ACTRT2: variants seen among roughly 807,000 people sequenced by gnomAD.
ACTRT2 encodes the protein actin related protein T2.
ACTRT2 carries 1 observed loss-of-function variant against 1.2 expected under a neutral mutation model. The ratio of observed to expected loss-of-function variants is 0.80; its 90% CI spans 0.29 to 3.81. The LOEUF is 3.81. ACTRT2 is among the 30% of genes most tolerant of loss of function. The pLI is 0.18. For missense variants in ACTRT2, 488 were observed against 497.9 expected (o/e 0.98, Z 0.19); for synonymous variants, 262 against 228.9 (o/e 1.14, Z -1.30).
rs80251227 is a variant in ACTRT2, at chr1:3,022,826, G to A, written c.*6G>A. The A allele has an allele frequency of 1.2e-4, 186 of 1,599,056 alleles. 2 individuals carry two copies. The East Asian group carries it at 3.8e-3, about 33-fold the overall frequency. On this transcript the variant is annotated 3_prime_UTR_variant, in exon 1 of 1. Coordinates refer to ENST00000378404, the MANE Select transcript of ACTRT2 (RefSeq NM_080431.5). The surrounding 1 kb of genome is among the most constrained non-coding windows in gnomAD (Gnocchi z 7.7). ...TGCAGAGAAGATGCTTCTGAAGGCC[G>A]CTTCTCGTTGGGTACCGTGGGGGGT...
rs1641094208 is a variant in ACTRT2 at position 3,022,624 on chromosome 1, A to G, written c.938A>G (p.Asp313Gly). 5 of 1,612,966 alleles carry G rather than the reference A, an allele frequency of 3.1e-6. No homozygotes were observed. Among genetic ancestry groups the G allele is most frequent in the Non-Finnish European group, 4.2e-6 (5 of 1,180,018 alleles). Residue 313 changes from aspartate to glycine, a missense_variant, in exon 1 of 1, where the codon GAC (aspartate) becomes GGC (glycine). By Grantham distance (94) the Asp-to-Gly change is moderately conservative. Coordinates refer to ENST00000378404, the MANE Select transcript of ACTRT2 (RefSeq NM_080431.5). This position sits in a 1 kb window ranked among gnomAD's most constrained non-coding sequence, Gnocchi z 7.7. ...GGTTLFHGLD[D>G]RLLKELEQLA... ...ACTACCCTGTTCCACGGGCTGGATG[A>G]CCGGCTTCTCAAGGAGCTGGAGCAG...
At position 3,022,690 on chromosome 1, in the gene ACTRT2, C is replaced by T. The variant is rs762750380; in HGVS notation, c.1004C>T (p.Pro335Leu). 1.9e-6 allele frequency: 3 copies of T among 1,613,322 alleles called. No homozygotes were observed. The highest frequency in any genetic ancestry group is 2.5e-6 in the Non-Finnish European group (3 of 1,180,036). ...KDTPIKITAPPDRWFSTWIGA... is the reference protein window; with the variant it reads ...KDTPIKITAPLDRWFSTWIGA... ...ACCCCCATCAAGATCACGGCTCCCC[C>T]CGACCGGTGGTTCTCCACCTGGATT... The change falls in exon 1 of 1, where the codon CCC (proline) becomes CTC (leucine). Residue 335 changes from proline (P) to leucine (L), a missense_variant. Coordinates refer to ENST00000378404, the MANE Select transcript of ACTRT2 (RefSeq NM_080431.5). The surrounding 1 kb of genome is among the most constrained non-coding windows in gnomAD (Gnocchi z 7.7).
In ACTRT2 at chr1:3,021,770, G is replaced by A. The variant is rs760235206; in HGVS notation, c.84G>A (p.Glu28=). 5.0e-6 allele frequency: 8 copies of A among 1,613,666 alleles called. No homozygotes were observed. The highest frequency in any genetic ancestry group is 1.7e-5 in the Admixed American group (1 of 59,994). Residue 28 remains glutamate (E), a synonymous_variant, in exon 1 of 1, where the codon GAG becomes GAA. Transcript: ENST00000378404. ...SGFCKAGLSG[E]FGPRHMVSSI... is the part of the protein sequence containing the mutation. ...TCTGCAAAGCGGGCCTGTCTGGGGA[G>A]TTTGGACCCCGGCACATGGTCAGCT...
chr1:3,021,893 G>A lies in ACTRT2; in HGVS notation c.207G>A (p.Leu69=), dbSNP rs1641079128. ...GEEALYKQEA[L]QLHSPFERGL... is the part of the protein sequence containing the mutation. The stretch of plus-strand genomic sequence containing the variant: ...AGGCCCTGTACAAGCAGGAGGCCCT[G>A]CAGCTGCACTCCCCTTTCGAGCGTG... Residue 69 remains leucine, a synonymous_variant, in exon 1 of 1, where the codon CTG becomes CTA. Coordinates refer to ENST00000378404, the MANE Select transcript of ACTRT2 (RefSeq NM_080431.5). 3.7e-6 allele frequency: 6 copies of A among 1,613,526 alleles called. No individual in the cohort carries two copies. Among genetic ancestry groups the A allele is most frequent in the Non-Finnish European group, 4.2e-6 (5 of 1,180,034 alleles).
Position 3,021,585 on chromosome 1 carries a change from C to G in ACTRT2, c.-102C>G. The G allele has an allele frequency of 4.7e-6, 7 of 1,477,836 alleles. No individual in the cohort carries two copies. The East Asian group carries it at 6.8e-5, about 14-fold the overall frequency. 91.5% of individuals were successfully genotyped at this position (1,477,836 alleles called of 1,614,324 possible). A position where few individuals can be genotyped will look rare whatever the true frequency, so the allele number is the denominator to read the frequency against. On this transcript the variant is annotated 5_prime_UTR_variant, in exon 1 of 1. Coordinates refer to ENST00000378404, the MANE Select transcript of ACTRT2 (RefSeq NM_080431.5). ...GTGCTAGCCCTGCCTTGAGACACCCCGAGAGCTGTGGGAAGAGCTGTGGGA... is the reference window on the plus strand; with the variant it reads ...GTGCTAGCCCTGCCTTGAGACACCCGGAGAGCTGTGGGAAGAGCTGTGGGA...
rs559954352 is a variant in ACTRT2 at position 3,021,983 on chromosome 1, C to A, written c.297C>A (p.Gly99=). 7.4e-6 allele frequency: 12 copies of A among 1,613,470 alleles called. No individual in the cohort carries two copies. In the Admixed American group the frequency reaches 1.7e-4, roughly 22 times the overall value. Residue 99 remains glycine (G), a synonymous_variant, in exon 1 of 1, where the codon GGC becomes GGA. Coordinates refer to ENST00000378404, the MANE Select transcript of ACTRT2 (RefSeq NM_080431.5). ...AGCACCTCTTTGAGTGGGAGCTAGG[C>A]GTGAAACCCAGCGACCAGCCCCTGC... ...LWKHLFEWEL[G]VKPSDQPLLA...
In ACTRT2 at chr1:3,022,409, G is replaced by A; in HGVS notation, c.723G>A (p.Glu241=). The change falls in exon 1 of 1, where the codon GAG becomes GAA. Residue 241 remains glutamate, a synonymous_variant. Coordinates refer to ENST00000378404, the MANE Select transcript of ACTRT2 (RefSeq NM_080431.5). This position sits in a 1 kb window ranked among gnomAD's most constrained non-coding sequence, Gnocchi z 7.7. ...LSRRPEEVLR[E]YKLPDGNIIS... Reference sequence around the variant, plus strand: ...GGAGGCCGGAGGAGGTCCTGAGGGAGTACAAGCTGCCCGACGGGAACATCA... The same window carrying A: ...GGAGGCCGGAGGAGGTCCTGAGGGAATACAAGCTGCCCGACGGGAACATCA... 1 of 1,612,928 alleles carries A rather than the reference G, an allele frequency of 6.2e-7. No individual in the cohort carries two copies. Among genetic ancestry groups the A allele is most frequent in the Non-Finnish European group, 8.5e-7 (1 of 1,180,018 alleles).
chr1:3,022,352 C>T lies in ACTRT2; in HGVS notation c.666C>T (p.Tyr222=), dbSNP rs771204710. ...LVDDIKKKLC[Y]VALEPEKELS... ...ACGACATCAAAAAGAAGCTGTGCTACGTGGCCTTGGAGCCCGAGAAGGAGC... is the reference window on the plus strand; with the variant it reads ...ACGACATCAAAAAGAAGCTGTGCTATGTGGCCTTGGAGCCCGAGAAGGAGC... The change falls in exon 1 of 1, where the codon TAC becomes TAT. Residue 222 remains tyrosine (Y), a synonymous_variant. Transcript: ENST00000378404. This position sits in a 1 kb window ranked among gnomAD's most constrained non-coding sequence, Gnocchi z 7.7. 1.1e-5 allele frequency: 17 copies of T among 1,612,938 alleles called. No individual in the cohort carries two copies. In the South Asian group the frequency reaches 1.1e-4, roughly 10 times the overall value.
In ACTRT2 at chr1:3,021,972, T is replaced by G; in HGVS notation, c.286T>G (p.Trp96Gly). Residue 96 changes from tryptophan (W) to glycine (G), a missense_variant, in exon 1 of 1, where the codon TGG becomes GGG. Trp to Gly is a radical substitution (Grantham distance 184). Transcript: ENST00000378404. ...GAGACTCTGGAAGCACCTCTTTGAG[T>G]GGGAGCTAGGCGTGAAACCCAGCGA... ...VERLWKHLFEWELGVKPSDQP... is the reference protein window; with the variant it reads ...VERLWKHLFEGELGVKPSDQP... 1 of 1,613,420 alleles carries G rather than the reference T, an allele frequency of 6.2e-7. No homozygotes were observed. The highest frequency in any genetic ancestry group is 8.5e-7 in the Non-Finnish European group (1 of 1,179,996).
Position 3,022,690 on chromosome 1 carries a change from C to A in ACTRT2, c.1004C>A (p.Pro335His), listed in dbSNP as rs762750380. 4 of 1,613,440 alleles carry A rather than the reference C, an allele frequency of 2.5e-6. No homozygotes were observed. The highest frequency in any genetic ancestry group is 1.6e-4 in the Middle Eastern group (1 of 6,062). ...ACCCCCATCAAGATCACGGCTCCCC[C>A]CGACCGGTGGTTCTCCACCTGGATT... ...KDTPIKITAP[P>H]DRWFSTWIGA... The change falls in exon 1 of 1, where the codon CCC becomes CAC. Residue 335 changes from proline (P) to histidine (H), a missense_variant. Transcript: ENST00000378404. This position sits in a 1 kb window ranked among gnomAD's most constrained non-coding sequence, Gnocchi z 7.7.
At position 3,021,926 on chromosome 1, in the gene ACTRT2, C is replaced by T; in HGVS notation, c.240C>T (p.Ile80=). 1.2e-6 allele frequency: 2 copies of T among 1,613,552 alleles called. No homozygotes were observed. Among genetic ancestry groups the T allele is most frequent in the Non-Finnish European group, 8.5e-7 (1 of 1,180,028 alleles). ...QLHSPFERGL[I]TGWDDVERLW... is the part of the protein sequence containing the mutation. ...ACTCCCCTTTCGAGCGTGGCCTGAT[C>T]ACAGGGTGGGATGACGTGGAGAGAC... The change falls in exon 1 of 1, where the codon ATC becomes ATT. Residue 80 remains isoleucine, a synonymous_variant. Transcript: ENST00000378404.
chr1:3,022,668 C>A lies in ACTRT2; in HGVS notation c.982C>A (p.Pro328Thr), dbSNP rs769352524. 3 of 1,613,088 alleles carry A rather than the reference C, an allele frequency of 1.9e-6. No homozygotes were observed. Among genetic ancestry groups the A allele is most frequent in the Non-Finnish European group, 1.7e-6 (2 of 1,179,984 alleles). Residue 328 changes from proline to threonine, a missense_variant, in exon 1 of 1, where the codon CCC becomes ACC. Coordinates refer to ENST00000378404, the MANE Select transcript of ACTRT2 (RefSeq NM_080431.5). The surrounding 1 kb of genome is among the most constrained non-coding windows in gnomAD (Gnocchi z 7.7). ...ELEQLASKDT[P>T]IKITAPPDRW... ...GGAGCAGCTGGCCTCCAAGGACACC[C>A]CCATCAAGATCACGGCTCCCCCCGA...
Position 3,021,795 on chromosome 1 carries a change from T to A in ACTRT2, c.109T>A (p.Ser37Thr). 1 of 1,613,600 alleles carries A rather than the reference T, an allele frequency of 6.2e-7. No individual in the cohort carries two copies. The highest frequency in any genetic ancestry group is 8.5e-7 in the Non-Finnish European group (1 of 1,180,006). ...GTTTGGACCCCGGCACATGGTCAGC[T>A]CCATCGTGGGGCACCTGAAATTCCA... ...GEFGPRHMVS[S>T]IVGHLKFQAP... is the part of the protein sequence containing the mutation. Residue 37 changes from serine (S) to threonine (T), a missense_variant, in exon 1 of 1, where the codon TCC becomes ACC. Coordinates refer to ENST00000378404, the MANE Select transcript of ACTRT2 (RefSeq NM_080431.5).
chr1:3,021,682 C>T lies in ACTRT2; in HGVS notation c.-5C>T, dbSNP rs113796232. The T allele has an allele frequency of 2.3e-5, 37 of 1,604,784 alleles. No homozygotes were observed. Among genetic ancestry groups the T allele is most frequent in the African/African-American group, 6.7e-5 (5 of 74,642 alleles). ...TGATGAGGCTGAGAAGGGAAGGCTG[C>T]GGGCATGTTTAATCCGCACGCTTTA... On this transcript the variant is annotated 5_prime_UTR_variant, in exon 1 of 1. Transcript: ENST00000378404.
Position 3,022,671 on chromosome 1 carries a change from A to T in ACTRT2, c.985A>T (p.Ile329Phe). Residue 329 changes from isoleucine to phenylalanine, a missense_variant, in exon 1 of 1, where the codon ATC (isoleucine) becomes TTC (phenylalanine). Transcript: ENST00000378404. The surrounding 1 kb of genome is among the most constrained non-coding windows in gnomAD (Gnocchi z 7.7). ...GCAGCTGGCCTCCAAGGACACCCCC[A>T]TCAAGATCACGGCTCCCCCCGACCG... ...LEQLASKDTP[I>F]KITAPPDRWF... The T allele has an allele frequency of 6.2e-7, 1 of 1,612,918 alleles. No homozygotes were observed. Among genetic ancestry groups the T allele is most frequent in the Non-Finnish European group, 8.5e-7 (1 of 1,179,896 alleles).
At position 3,022,641 on chromosome 1, in the gene ACTRT2, C is replaced by T; in HGVS notation, c.955C>T (p.Leu319=). ...GCTGGATGACCGGCTTCTCAAGGAG[C>T]TGGAGCAGCTGGCCTCCAAGGACAC... is the stretch of plus-strand genomic sequence containing the variant. The part of the protein sequence containing the change: ...HGLDDRLLKE[L]EQLASKDTPI... The change falls in exon 1 of 1, where the codon CTG becomes TTG. Residue 319 remains leucine (L), a synonymous_variant. Transcript: ENST00000378404. The surrounding 1 kb of genome is among the most constrained non-coding windows in gnomAD (Gnocchi z 7.7). The T allele has an allele frequency of 6.2e-7, 1 of 1,613,174 alleles. No individual in the cohort carries two copies. The highest frequency in any genetic ancestry group is 1.1e-5 in the South Asian group (1 of 91,082).
Position 3,021,946 on chromosome 1 carries a change from A to C in ACTRT2, c.260A>C (p.Glu87Ala), listed in dbSNP as rs1641080101. The change falls in exon 1 of 1, where the codon GAG becomes GCG. Residue 87 changes from glutamate to alanine, a missense_variant. Physicochemically the swap from Glu to Ala is moderately radical, Grantham distance 107. Transcript: ENST00000378404. ...RGLITGWDDV[E>A]RLWKHLFEWE... ...CTGATCACAGGGTGGGATGACGTGG[A>C]GAGACTCTGGAAGCACCTCTTTGAG... is the stretch of plus-strand genomic sequence containing the variant. 1 of 1,613,578 alleles carries C rather than the reference A, an allele frequency of 6.2e-7. No homozygotes were observed. The highest frequency in any genetic ancestry group is 8.5e-7 in the Non-Finnish European group (1 of 1,180,006).
In ACTRT2 at chr1:3,021,859, T is replaced by C. The variant is rs1043055524; in HGVS notation, c.173T>C (p.Val58Ala). 2 of 1,613,326 alleles carry C rather than the reference T, an allele frequency of 1.2e-6. No individual in the cohort carries two copies. Among genetic ancestry groups the C allele is most frequent in the Non-Finnish European group, 8.5e-7 (1 of 1,179,996 alleles). ...SAEANQKKYF[V>A]GEEALYKQEA... ...GAGGCCAACCAGAAGAAGTACTTTGTGGGGGAGGAGGCCCTGTACAAGCAG... is the reference window on the plus strand; with the variant it reads ...GAGGCCAACCAGAAGAAGTACTTTGCGGGGGAGGAGGCCCTGTACAAGCAG... Residue 58 changes from valine to alanine, a missense_variant, in exon 1 of 1, where the codon GTG becomes GCG. By Grantham distance (64) the Val-to-Ala change is moderately conservative. Coordinates refer to ENST00000378404, the MANE Select transcript of ACTRT2 (RefSeq NM_080431.5).
Position 3,021,476 on chromosome 1 carries a change from G to GC in ACTRT2, c.-206dup. Reference sequence around the variant, plus strand: ...TTGTTACCTAGGAGACAACCCCCTGGCCCCCTGGAAGAGGCCTCAGCAGGC... The same window carrying GC: ...TTGTTACCTAGGAGACAACCCCCTGGCCCCCCTGGAAGAGGCCTCAGCAGGC... On this transcript the variant is annotated 5_prime_UTR_variant, in exon 1 of 1. Transcript: ENST00000378404. 1 of 594,090 alleles carries GC rather than the reference G, an allele frequency of 1.7e-6. No homozygotes were observed. Among genetic ancestry groups the GC allele is most frequent in the Non-Finnish European group, 2.9e-6 (1 of 348,992 alleles). The allele number at this position is 594,090 out of a possible 1,614,324, so 36.8% of individuals were successfully genotyped here.
Sources: gnomAD v4.1 joint callset for allele counts on GRCh38, gnomAD v4.1.1 for gene constraint, Gnocchi (gnomAD v3.1) non-coding constraint, MANE v1.5 for transcripts, NCBI Gene and HGNC (gene_info 2026-07-23, HGNC 2026-07-21) for gene names.